The following LARGE1 variants were observed in gnomAD, a reference collection of about 807,000 sequenced individuals.
The protein encoded by LARGE1 is xylosyl- and glucuronyltransferase LARGE1.
A neutral mutation model predicts 87.6 loss-of-function variants in LARGE1; 43 were observed. That is an observed-to-expected ratio of 0.49 (90% CI 0.38 to 0.63). The LOEUF is 0.63. Among genes scored for constraint, LARGE1 ranks in the 30% least tolerant of loss-of-function variants. LARGE1 has a pLI of 0.00. For synonymous variants in LARGE1, 434 were observed against 394.6 expected, an observed-to-expected ratio of 1.10 and a Z score of -1.18; for missense variants, 802 against 1,000.2, an observed-to-expected ratio of 0.80 and a Z score of 2.67.
the LARGE1 span, among the ~76,000 whole-genome samples, chr22:33,072,373 A>G: frequency 6.6e-6 from 1 of 152,100 alleles, no homozygotes; most frequent in Admixed American, 6.6e-5. Context: ...TTTGTCCTGG[A>G]TAGGATTTTC....
chr22:33,805,687 T>C (rs2086285122), intron 1 of LARGE1, among the ~76,000 whole-genome samples: 1 of 151,656 alleles, frequency 6.6e-6, no homozygotes, highest in Admixed American at 6.6e-5. Context: ...TGAGCCCAGA[T>C]CACACCACTG....
At chr22:33,511,377 C>T (rs2071046945) in intron 6 of LARGE1, among the ~76,000 whole-genome samples, 2 of 152,108 alleles carry the variant, frequency 1.3e-5, no homozygotes, top group African/African-American at 4.8e-5. Context: ...GTGATATTTC[C>T]CTGGCATTTA....
chr22:33,558,437 T>C (rs1392085746), intron 6 of LARGE1, among the ~76,000 whole-genome samples: 1 of 152,170 alleles, frequency 6.6e-6, no homozygotes, highest in African/African-American at 2.4e-5. Flanking sequence ...AAGGTCCAAG[T>C]GTCCGTCAGG....
intron 2 of LARGE1, among the ~76,000 whole-genome samples, chr22:33,760,206 T>C (rs940093659): frequency 6.6e-6 from 1 of 152,134 alleles, no homozygotes; most frequent in African/African-American, 2.4e-5. Context: ...TAAATAAAAA[T>C]AAAGTCAGCT....
At chr22:33,804,067 G>A (rs1254916308) in intron 1 of LARGE1, among the ~76,000 whole-genome samples, 1 of 152,110 alleles carries the variant, frequency 6.6e-6, no homozygotes, top group African/African-American at 2.4e-5. Flanking sequence ...AATTAACACA[G>A]CAATCCTGGC....
chr22:33,364,414 C>T (rs1381545990), intron 9 of LARGE1, among the ~76,000 whole-genome samples: 3 of 152,124 alleles, frequency 2.0e-5, no homozygotes, highest in Non-Finnish European at 4.4e-5. Context: ...TCCCGTTCCG[C>T]GTTTACGAAG....
At chr22:33,217,433 C>T (rs990497793) in intron 11 of LARGE1, among the ~76,000 whole-genome samples, 26 of 152,126 alleles carry the variant, frequency 1.7e-4, no homozygotes, top group African/African-American at 5.3e-4. Context: ...TTGAGAACCA[C>T]TGAAGTTGAG....
the LARGE1 span, among the ~76,000 whole-genome samples, chr22:33,098,178 C>T: frequency 6.6e-6 from 1 of 152,096 alleles, no homozygotes; most frequent in Non-Finnish European, 1.5e-5. Context: ...CATGGTGGCA[C>T]ATGACTGTAG....
chr22:33,138,954 G>A, the LARGE1 span, among the ~76,000 whole-genome samples: 5 of 152,080 alleles, frequency 3.3e-5, no homozygotes, highest in Non-Finnish European at 7.4e-5. Context: ...GAATCATGAA[G>A]GCAGGTCTTT....
intron 2 of LARGE1, among the ~76,000 whole-genome samples, chr22:33,741,786 A>AG (rs2083892440): frequency 2.6e-5 from 4 of 152,226 alleles, no homozygotes; most frequent in South Asian, 2.1e-4. Flanking sequence ...TCTGTCCTGC[A>AG]ATCACCTTGC....
chr22:33,085,410 G>C, the LARGE1 span, among the ~76,000 whole-genome samples: 1 of 152,148 alleles, frequency 6.6e-6, no homozygotes. Flanking sequence ...TGACAAAACT[G>C]GCTCATCATT....
At chr22:33,248,496 C>T (rs563968034) in intron 11 of LARGE1, among the ~76,000 whole-genome samples, 1 of 152,104 alleles carries the variant, frequency 6.6e-6, no homozygotes, top group Non-Finnish European at 1.5e-5. Flanking sequence ...ACGTGAGCCA[C>T]GTGTAGACTT....
At position 33,902,929 on chromosome 22, in the gene LARGE1, C is replaced by A. The variant is rs182406816; in HGVS notation, c.-83+17066G>T. Among the ~76,000 whole-genome samples, 464 of 152,230 alleles carry A rather than the reference C, an allele frequency of 3.0e-3. 5 individuals are homozygous for A. The highest frequency in any genetic ancestry group is 0.011 in the African/African-American group (455 of 41,540). ...GGTGGATCTTCTAAGGTCAGGGGTTCAAGACCAGCCTGGCTAACATGGCGA... is the reference window on the plus strand; with the variant it reads ...GGTGGATCTTCTAAGGTCAGGGGTTAAAGACCAGCCTGGCTAACATGGCGA... On this transcript the variant is annotated intron_variant, in intron 1 of 14. Transcript: ENST00000397394.
At chr22:33,639,357 T>A (rs2080362879) in intron 3 of LARGE1, among the ~76,000 whole-genome samples, 1 of 152,208 alleles carries the variant, frequency 6.6e-6, no homozygotes, top group African/African-American at 2.4e-5. Flanking sequence ...TAAGTCCTTC[T>A]CAAATCTCTG....
chr22:33,397,631 T>C (rs772812254), intron 7 of LARGE1, among the ~76,000 whole-genome samples: 3 of 152,250 alleles, frequency 2.0e-5, no homozygotes, highest in Non-Finnish European at 4.4e-5. Flanking sequence ...ATTTGGGCTG[T>C]AATAAACATT....
At chr22:33,234,610 C>T (rs1458861442) in intron 11 of LARGE1, among the ~76,000 whole-genome samples, 1 of 152,100 alleles carries the variant, frequency 6.6e-6, no homozygotes, top group Non-Finnish European at 1.5e-5. Context: ...GGTGCTATCT[C>T]GTCTCACTGC....
At chr22:33,657,964 T>G (rs187143137) in intron 2 of LARGE1, among the ~76,000 whole-genome samples, 1 of 151,710 alleles carries the variant, frequency 6.6e-6, no homozygotes, top group African/African-American at 2.4e-5. Context: ...AACAGGCACA[T>G]GATTTAACTA....
chr22:33,915,548 T>C (rs544344594), intron 1 of LARGE1, among the ~76,000 whole-genome samples: 2 of 152,304 alleles, frequency 1.3e-5, no homozygotes, highest in East Asian at 3.9e-4. Flanking sequence ...AGACTTAGGG[T>C]TGATAAGGGA....
At chr22:33,153,723 A>G in the LARGE1 span, among the ~76,000 whole-genome samples, 1 of 152,170 alleles carries the variant, frequency 6.6e-6, no homozygotes, top group African/African-American at 2.4e-5. Flanking sequence ...CTTACCAACA[A>G]TTCTCTGTAG....
Sources: gnomAD v4.1 joint callset for allele counts (sites outside exome capture counted in the v4.1 genomes callset) on GRCh38, gnomAD v4.1.1 for gene constraint, MANE v1.5 for transcripts, NCBI Gene and HGNC (gene_info 2026-07-23, HGNC 2026-07-21) for gene names.